The following STK3 variants were observed in gnomAD, a reference collection of about 807,000 sequenced individuals.
STK3 encodes serine/threonine-protein kinase 3.
A neutral mutation model predicts 58.0 loss-of-function variants in STK3; 41 were observed. The observed-to-expected ratio is 0.71, with a 90% CI of 0.55 to 0.92. The LOEUF (loss-of-function observed/expected upper bound fraction) is 0.92, where lower values mean the gene tolerates loss of function less well. Among genes scored for constraint, STK3 ranks in the 40% least tolerant of loss-of-function variants. The pLI is 0.00. For synonymous variants in STK3, 170 were observed against 191.0 expected, an observed-to-expected ratio of 0.89 and a Z score of 0.91; for missense variants, 479 against 602.7, an observed-to-expected ratio of 0.79 and a Z score of 2.15.
intron 4 of STK3, among the ~76,000 whole-genome samples, chr8:98,747,550 C>T (rs1829720742): frequency 6.6e-6 from 1 of 152,196 alleles, no homozygotes; most frequent in African/African-American, 2.4e-5. Flanking sequence ...AGGCCTACAA[C>T]ATCCAGATAT....
At chr8:98,512,265 T>G (rs902995427) in intron 10 of STK3, among the ~76,000 whole-genome samples, 1 of 152,134 alleles carries the variant, frequency 6.6e-6, no homozygotes, top group Non-Finnish European at 1.5e-5. Flanking sequence ...ATGTAATTTG[T>G]TTTTAACTTT....
At chr8:98,715,928 T>C (rs1587402131) in intron 4 of STK3, among the ~76,000 whole-genome samples, 1 of 152,264 alleles carries the variant, frequency 6.6e-6, no homozygotes, top group African/African-American at 2.4e-5. Context: ...GTGGCGCATA[T>C]ACACCATGGA....
chr8:98,618,959 A>G (rs1461588765), intron 6 of STK3, among the ~76,000 whole-genome samples: 1 of 149,794 alleles, frequency 6.7e-6, no homozygotes, highest in Non-Finnish European at 1.5e-5. Flanking sequence ...AATTGGAAAA[A>G]ACTACTTTAA....
At chr8:98,589,130 G>A (rs565632823) in intron 7 of STK3, among the ~76,000 whole-genome samples, 160 of 151,684 alleles carry the variant, frequency 1.1e-3, no homozygotes, top group African/African-American at 2.7e-3. Context: ...GCTTTGTTCC[G>A]TTGCTGGTGA....
At position 98,575,719 on chromosome 8, in the gene STK3, G is replaced by A. The variant is rs1045693322; in HGVS notation, c.948+3945C>T. ...ATTCCTGGGCTCGGGCGATCCACCC[G>A]TCTCAGCCTCCCAAAGTGCTGGTAT... On this transcript the variant is annotated intron_variant, in intron 8 of 10. Transcript: ENST00000419617. Among the ~76,000 whole-genome samples the A allele has an allele frequency of 7.3e-5, 11 of 150,604 alleles. No individual in the cohort carries two copies. In the East Asian group the frequency reaches 1.2e-3, roughly 16 times the overall value.
chr8:98,511,990 C>T (rs1321894622), intron 10 of STK3, among the ~76,000 whole-genome samples: 1 of 151,768 alleles, frequency 6.6e-6, no homozygotes. Context: ...TATTATTACA[C>T]TTTAAGTTTT....
In STK3 at chr8:98,739,356, G is replaced by C. The variant is rs573391263; in HGVS notation, c.351+9920C>G. Among the ~76,000 whole-genome samples, 140 of 152,190 alleles carry C rather than the reference G, an allele frequency of 9.2e-4. 2 individuals are homozygous for C. In the South Asian group the frequency reaches 0.028, roughly 31 times the overall value. On this transcript the variant is annotated intron_variant, in intron 4 of 10. Transcript: ENST00000419617. Reference sequence around the variant, plus strand: ...TGGGAGGCACCCCCAAGTAGGGGCAGACTGACACCTCACACGGCCGGGTAC... The same window carrying C: ...TGGGAGGCACCCCCAAGTAGGGGCACACTGACACCTCACACGGCCGGGTAC...
chr8:98,899,796 G>A (rs1170977124), intron 1 of STK3, among the ~76,000 whole-genome samples: 2 of 152,132 alleles, frequency 1.3e-5, no homozygotes, highest in East Asian at 1.9e-4. Context: ...GCCAGTTAAC[G>A]TGTAGGAGGG....
intron 5 of STK3, among the ~76,000 whole-genome samples, chr8:98,706,859 C>T (rs1826005471): frequency 6.6e-6 from 1 of 152,124 alleles, no homozygotes; most frequent in Non-Finnish European, 1.5e-5. Context: ...TCATTAAACA[C>T]AGTCATTAAA....
At chr8:98,914,874 T>C (rs1839285297) in intron 1 of STK3, among the ~76,000 whole-genome samples, 4 of 152,220 alleles carry the variant, frequency 2.6e-5, no homozygotes, top group Non-Finnish European at 5.9e-5. Flanking sequence ...TCAAATTTTA[T>C]GTGTTGTAGG....
At chr8:98,537,624 T>C (rs1809881119) in intron 9 of STK3, among the ~76,000 whole-genome samples, 1 of 152,174 alleles carries the variant, frequency 6.6e-6, no homozygotes, top group Non-Finnish European at 1.5e-5. Context: ...TCATATAAAA[T>C]TGACATCAAT....
chr8:98,510,529 T>C (rs1473835026), intron 10 of STK3, among the ~76,000 whole-genome samples: 1 of 152,088 alleles, frequency 6.6e-6, no homozygotes, highest in Non-Finnish European at 1.5e-5. Context: ...AATGATATTA[T>C]GAACTAGTAT....
chr8:98,867,869 G>A (rs917060173), intron 3 of STK3, among the ~76,000 whole-genome samples: 13 of 152,166 alleles, frequency 8.5e-5, no homozygotes, highest in African/African-American at 2.9e-4. Flanking sequence ...CCTATAATAA[G>A]CCCCTGGTAA....
chr8:98,693,444 A>C (rs961361933), intron 6 of STK3, among the ~76,000 whole-genome samples: 2 of 152,172 alleles, frequency 1.3e-5, no homozygotes, highest in Admixed American at 1.3e-4. Context: ...AAAATGCAAT[A>C]TGGAGATGTA....
chr8:98,450,419 T>C (rs1014670804), downstream of STK3, among the ~76,000 whole-genome samples: 2 of 152,194 alleles, frequency 1.3e-5, no homozygotes, highest in African/African-American at 4.8e-5. Flanking sequence ...ATCTTCCCAA[T>C]TGCTGTATTA....
intron 8 of STK3, among the ~76,000 whole-genome samples, chr8:98,567,480 G>A (rs1319001311): frequency 1.3e-5 from 2 of 152,158 alleles, no homozygotes; most frequent in African/African-American, 2.4e-5. Flanking sequence ...TTACAGGCAT[G>A]AGCCACCGTG....
rs762616830 is a variant in STK3 at position 98,598,282 on chromosome 8, A to G, written c.685-2113T>C. On this transcript the variant is annotated intron_variant, in intron 6 of 10. Coordinates refer to ENST00000419617, the MANE Select transcript of STK3 (RefSeq NM_006281.4). The stretch of plus-strand genomic sequence containing the variant: ...CTTAACATATAAGGCTCACCTTAGC[A>G]GTAGCTATTAGAAACCCAAGGATAA... The G allele has an allele frequency of 1.1e-4, 108 of 985,304 alleles. 1 individual carries two copies. The highest frequency in any genetic ancestry group is 2.5e-4 in the Admixed American group (4 of 16,260). The allele number at this position is 985,304 out of a possible 1,614,324, so 61.0% of individuals were successfully genotyped here.
chr8:98,513,397 C>T (rs906972880), intron 10 of STK3, among the ~76,000 whole-genome samples: 1 of 152,158 alleles, frequency 6.6e-6, no homozygotes, highest in East Asian at 1.9e-4. Context: ...ATCAAAGACA[C>T]GTTGTGGTTT....
At chr8:98,709,246 C>A (rs72666685) in intron 4 of STK3, among the ~76,000 whole-genome samples, 3 of 151,832 alleles carry the variant, frequency 2.0e-5, no homozygotes, top group African/African-American at 7.3e-5. Context: ...TGATAGAGAA[C>A]GACTGAGAAG....
Sources: gnomAD v4.1 joint callset for allele counts (sites outside exome capture counted in the v4.1 genomes callset) on GRCh38, gnomAD v4.1.1 for gene constraint, MANE v1.5 for transcripts, NCBI Gene and HGNC (gene_info 2026-07-23, HGNC 2026-07-21) for gene names.